Variants in DHRS1 observed in about 807,000 individuals in gnomAD.
DHRS1 encodes the protein dehydrogenase/reductase SDR family member 1.
Under a neutral mutation model 35.2 loss-of-function variants are expected in DHRS1, and 34 were observed. The observed-to-expected ratio is 0.97, with a 90% CI of 0.74 to 1.29. The LOEUF (loss-of-function observed/expected upper bound fraction) is 1.29. DHRS1 is among the 50% of genes most tolerant of loss of function. DHRS1 has a pLI of 0.00. For missense variants in DHRS1, 354 were observed against 403.6 expected (o/e 0.88, Z 1.05); for synonymous variants, 133 against 160.0 (o/e 0.83, Z 1.27).
intron 5 of DHRS1, 131 bp from the exon 6 acceptor site, chr14:24,292,461 C>A: frequency 6.8e-7 from 1 of 1,473,050 alleles, no homozygotes; most frequent in Non-Finnish European, 9.2e-7. Flanking sequence ...CAGCTGCCCA[C>A]GCTCCCCAGT....
intron 4 of DHRS1, among the ~76,000 whole-genome samples, chr14:24,295,025 GTTTTC>G (rs1334677304): frequency 1.3e-5 from 2 of 152,124 alleles, no homozygotes; most frequent in African/African-American, 4.8e-5. Flanking sequence ...CATATTCTTT[GTTTTC>G]TTTTCTTTTT....
intron 4 of DHRS1, 104 bp downstream of exon 4, chr14:24,296,405 T>A: frequency 9.0e-7 from 1 of 1,106,040 alleles, no homozygotes; most frequent in Non-Finnish European, 1.4e-6. Context: ...AAGAAAGAGA[T>A]GGGGGAGGCC....
intron 1 of DHRS1, 90 bp downstream of exon 1, chr14:24,299,491 G>A (rs2041326157): frequency 4.7e-6 from 1 of 215,004 alleles, no homozygotes; most frequent in African/African-American, 2.3e-5. Flanking sequence ...GACCCAGTCC[G>A]GCTGAGCCAG....
chr14:24,299,040 T>A lies in DHRS1; in HGVS notation c.67A>T (p.Ile23Phe). ...TGASRGIGRG[I>F]ALQLCKAGAT... ...CCTGCTTTGCAGAGCTGCAAGGCAATGCCACGGCCAATACCCCTGGAGGCA... is the reference window on the plus strand; with the variant it reads ...CCTGCTTTGCAGAGCTGCAAGGCAAAGCCACGGCCAATACCCCTGGAGGCA... The change falls in exon 2 of 9, where the codon ATT becomes TTT. Residue 23 changes from isoleucine (I) to phenylalanine (F), a missense_variant. Ile to Phe is a conservative substitution (Grantham distance 21, BLOSUM62 0). Transcript: ENST00000288111. 2 of 1,614,132 alleles carry A rather than the reference T, an allele frequency of 1.2e-6. No individual in the cohort carries two copies. Among genetic ancestry groups the A allele is most frequent in the Non-Finnish European group, 1.7e-6 (2 of 1,179,988 alleles).
rs1007572396 is a variant in DHRS1 at position 24,296,410 on chromosome 14, G to A, written c.374+99C>T. 11 of 1,147,096 alleles carry A rather than the reference G, an allele frequency of 9.6e-6. No homozygotes were observed. In the African/African-American group the frequency reaches 1.4e-4, roughly 14 times the overall value. The allele number at this position is 1,147,096 out of a possible 1,614,324, so 71.1% of individuals were successfully genotyped here. A position where few individuals can be genotyped will look rare whatever the true frequency, so the allele number is the denominator to read the frequency against. On this transcript the variant is annotated intron_variant, in intron 4 of 8. Transcript: ENST00000288111. ...TGGAAGGGAGAAGAAAGAGATGGGG[G>A]AGGCCGGAGGGAAAAGGAGAGGGCA...
At position 24,296,901 on chromosome 14, in the gene DHRS1, A is replaced by G. The variant is rs780667550; in HGVS notation, c.151-20T>C. On this transcript the variant is annotated intron_variant, in intron 2 of 8. Coordinates refer to ENST00000288111, the MANE Select transcript of DHRS1 (RefSeq NM_001136050.3). Reference sequence around the variant, plus strand: ...TTGTGCCTGGAGTAGGACAGGGGATATGAGCTCACATTCACACATGGGTGT... The same window carrying G: ...TTGTGCCTGGAGTAGGACAGGGGATGTGAGCTCACATTCACACATGGGTGT... The G allele has an allele frequency of 6.2e-7, 1 of 1,614,056 alleles. No individual in the cohort carries two copies. Among genetic ancestry groups the G allele is most frequent in the Admixed American group, 1.7e-5 (1 of 60,032 alleles).
chr14:24,297,787 A>C (rs2041279101), intron 2 of DHRS1, among the ~76,000 whole-genome samples: 1 of 151,990 alleles, frequency 6.6e-6, no homozygotes, highest in South Asian at 2.1e-4. Context: ...ATGCTTATGG[A>C]GCTCCCTCTG....
intron 4 of DHRS1, chr14:24,293,012 G>A: frequency 3.8e-6 from 2 of 524,240 alleles, no homozygotes; most frequent in Non-Finnish European, 6.5e-6. Context: ...AAGAAGAAAT[G>A]GAACGCAAGA....
chr14:24,298,819 T>A (rs1298671857), intron 2 of DHRS1, 138 bp downstream of exon 2: 18 of 1,105,764 alleles, frequency 1.6e-5, no homozygotes, highest in Non-Finnish European at 2.0e-5. Flanking sequence ...ACGGGGTTTT[T>A]AATTTCCACT....
In DHRS1 at chr14:24,292,294, G is replaced by A. The variant is rs1183438440; in HGVS notation, c.544C>T (p.Arg182Trp). The change falls in exon 6 of 9, where the codon CGG (arginine) becomes TGG (tryptophan). Residue 182 changes from arginine (R) to tryptophan (W), a missense_variant. Transcript: ENST00000288111. ...KLAADCAHEL[R>W]RHGVSCVSLW... Reference sequence around the variant, plus strand: ...GACACACAGCTGACCCCATGGCGCCGCAGCTCGTGGGCACAGTCAGCAGCC... The same window carrying A: ...GACACACAGCTGACCCCATGGCGCCACAGCTCGTGGGCACAGTCAGCAGCC... The A allele has an allele frequency of 2.6e-5, 42 of 1,613,856 alleles. No individual in the cohort carries two copies. Among genetic ancestry groups the A allele is most frequent in the Non-Finnish European group, 3.1e-5 (37 of 1,180,006 alleles).
At chr14:24,292,574 CTG>C in intron 5 of DHRS1, 76 bp downstream of exon 5, 1 of 1,611,308 alleles carries the variant, frequency 6.2e-7, no homozygotes, top group Non-Finnish European at 8.5e-7. Context: ...ATTCTGACCA[CTG>C]GGGATTGTAC....
intron 2 of DHRS1, 89 bp from the exon 3 acceptor site, chr14:24,296,970 A>T: frequency 1.3e-6 from 2 of 1,570,480 alleles, no homozygotes; most frequent in South Asian, 2.2e-5. Flanking sequence ...TTGAGAACTG[A>T]GAAGACAATC....
intron 8 of DHRS1, 58 bp downstream of exon 8, chr14:24,291,081 G>A: frequency 6.2e-7 from 1 of 1,613,226 alleles, no homozygotes. Context: ...CGAGGGAGGA[G>A]TGGGCAGGGA....
chr14:24,295,620 T>TG, intron 4 of DHRS1, among the ~76,000 whole-genome samples: 1 of 152,326 alleles, frequency 6.6e-6, no homozygotes, highest in African/African-American at 2.4e-5. Context: ...CAGCAAGAGA[T>TG]GAGGGTGTGG....
chr14:24,294,057 C>A (rs1049098543), intron 4 of DHRS1: 1 of 151,776 alleles, frequency 6.6e-6, no homozygotes, highest in African/African-American at 2.4e-5. Context: ...GTCTCTGCCT[C>A]GTTTATTATT....
chr14:24,296,091 T>C (rs1364725563), intron 4 of DHRS1, among the ~76,000 whole-genome samples: 1 of 151,948 alleles, frequency 6.6e-6, no homozygotes, highest in Non-Finnish European at 1.5e-5. Context: ...GGGTGTGGAG[T>C]GAGGATGTGG....
chr14:24,298,648 G>T (rs771541823), intron 2 of DHRS1: 26 of 266,128 alleles, frequency 9.8e-5, no homozygotes, highest in Non-Finnish European at 1.7e-4. Flanking sequence ...GAGTGCAGTG[G>T]TGTGATCATG....
intron 8 of DHRS1, 24 bp from the exon 9 acceptor site, chr14:24,291,019 A>T: frequency 6.2e-7 from 1 of 1,613,882 alleles, no homozygotes; most frequent in Non-Finnish European, 8.5e-7. Context: ...GAGGAGGAGG[A>T]TTAGATTCTC....
At chr14:24,295,451 G>T (rs1014630886) in intron 4 of DHRS1, among the ~76,000 whole-genome samples, 1 of 152,210 alleles carries the variant, frequency 6.6e-6, no homozygotes, top group Non-Finnish European at 1.5e-5. Context: ...TAATACAGAG[G>T]AAAGGCAGTA....
Sources: gnomAD v4.1 joint callset for allele counts (sites outside exome capture counted in the v4.1 genomes callset) on GRCh38, gnomAD v4.1.1 for gene constraint, MANE v1.5 for transcripts, NCBI Gene and HGNC (gene_info 2026-07-23, HGNC 2026-07-21) for gene names.